Variants in IQCJ observed in about 807,000 individuals in gnomAD.
The protein encoded by IQCJ is IQ motif containing J, also known as IQ domain-containing protein J.
A neutral mutation model predicts 11.0 loss-of-function variants in IQCJ; 9 were observed. The observed-to-expected ratio is 0.82, with a 90% CI of 0.49 to 1.43. IQCJ has a LOEUF of 1.43. IQCJ is among the 40% of genes most tolerant of loss of function. The pLI is 0.00. For synonymous variants in IQCJ, 55 were observed against 51.3 expected, an observed-to-expected ratio of 1.07 and a Z score of -0.31; for missense variants, 146 against 133.2, an observed-to-expected ratio of 1.10 and a Z score of -0.47.
At chr3:159,150,097 A>C (rs139821831) in intron 1 of IQCJ, among the ~76,000 whole-genome samples, 3 of 151,936 alleles carry the variant, frequency 2.0e-5, no homozygotes, top group African/African-American at 7.3e-5. Flanking sequence ...CATCTCCCCT[A>C]ATCCCAAGAT....
At chr3:159,205,503 G>A (rs1724603796) in intron 1 of IQCJ, among the ~76,000 whole-genome samples, 1 of 152,136 alleles carries the variant, frequency 6.6e-6, no homozygotes, top group South Asian at 2.1e-4. Context: ...CAGTCTTCAG[G>A]TCAACTAACA....
At chr3:159,172,036 A>AAT (rs1316371520) in intron 1 of IQCJ, among the ~76,000 whole-genome samples, 1 of 152,144 alleles carries the variant, frequency 6.6e-6, no homozygotes, top group Non-Finnish European at 1.5e-5. Flanking sequence ...ATATTGTAGC[A>AAT]ATATATATAT....
chr3:159,249,256 A>G (rs937460657), intron 2 of IQCJ, among the ~76,000 whole-genome samples: 11 of 152,112 alleles, frequency 7.2e-5, no homozygotes, highest in African/African-American at 2.7e-4. Context: ...TATCTTTCTC[A>G]ACTGTCTTCT....
At chr3:159,119,839 C>T (rs769935414) in intron 1 of IQCJ, among the ~76,000 whole-genome samples, 1 of 152,178 alleles carries the variant, frequency 6.6e-6, no homozygotes, top group Non-Finnish European at 1.5e-5. Flanking sequence ...TGGGCTTCCC[C>T]ACCTTCATTG....
intron 1 of IQCJ, among the ~76,000 whole-genome samples, chr3:159,116,657 TATATATATATATAC>T (rs1174879334): frequency 0.032 from 1,064 of 33,354 alleles, 69 homozygotes; most frequent in Non-Finnish European, 0.038. Flanking sequence ...TATATATATA[TATATATATATATAC>T]ACCCTTCATC....
At chr3:159,089,795 A>G (rs1717102358) in intron 1 of IQCJ, among the ~76,000 whole-genome samples, 1 of 151,114 alleles carries the variant, frequency 6.6e-6, no homozygotes, top group African/African-American at 2.5e-5. Flanking sequence ...ACTTCTCTGT[A>G]TTGGTTATTC....
At chr3:159,206,011 T>C (rs1375538757) in intron 1 of IQCJ, among the ~76,000 whole-genome samples, 1 of 152,174 alleles carries the variant, frequency 6.6e-6, no homozygotes, top group African/African-American at 2.4e-5. Context: ...GCCACAGATT[T>C]TTCTTCTTTT....
intron 1 of IQCJ, among the ~76,000 whole-genome samples, chr3:159,164,603 A>C (rs1560010103): frequency 6.6e-6 from 1 of 152,162 alleles, no homozygotes; most frequent in African/African-American, 2.4e-5. Context: ...CCCTGTCTCT[A>C]GTAAAAATAC....
intron 1 of IQCJ, among the ~76,000 whole-genome samples, chr3:159,179,534 A>C (rs1420080560): frequency 6.6e-6 from 1 of 152,190 alleles, no homozygotes; most frequent in Non-Finnish European, 1.5e-5. Context: ...AAGGCTCTCA[A>C]AAGTGTGAAT....
chr3:159,206,067 G>T, intron 1 of IQCJ, among the ~76,000 whole-genome samples: 1 of 152,118 alleles, frequency 6.6e-6, no homozygotes, highest in South Asian at 2.1e-4. Flanking sequence ...AGAGATGGGA[G>T]TGTTAGCCTG....
chr3:159,260,812 A>G (rs959587198), intron 3 of IQCJ, among the ~76,000 whole-genome samples: 1 of 149,260 alleles, frequency 6.7e-6, no homozygotes, highest in Non-Finnish European at 1.5e-5. Flanking sequence ...AGAGTCCTTT[A>G]AAAAAAAAAC....
chr3:159,210,247 G>A (rs1724878574), intron 1 of IQCJ, among the ~76,000 whole-genome samples: 1 of 152,080 alleles, frequency 6.6e-6, no homozygotes, highest in Non-Finnish European at 1.5e-5. Flanking sequence ...ATCACCAAGG[G>A]CCAACAATTT....
At chr3:159,181,418 G>A (rs1723086136) in intron 1 of IQCJ, among the ~76,000 whole-genome samples, 1 of 142,868 alleles carries the variant, frequency 7.0e-6, no homozygotes, top group Non-Finnish European at 1.5e-5. Context: ...AAAACCAAGT[G>A]AGTGGCTAGA....
intron 1 of IQCJ, among the ~76,000 whole-genome samples, chr3:159,238,752 G>A (rs906498317): frequency 6.6e-6 from 1 of 152,136 alleles, no homozygotes; most frequent in Admixed American, 6.5e-5. Context: ...CAGTAGAAGA[G>A]TTAGAGGCAT....
intron 2 of IQCJ, among the ~76,000 whole-genome samples, chr3:159,249,040 G>C (rs1275154193): frequency 6.6e-6 from 1 of 152,032 alleles, no homozygotes; most frequent in Non-Finnish European, 1.5e-5. Context: ...ATTTTTAGTA[G>C]AGACAGGGTT....
intron 1 of IQCJ, among the ~76,000 whole-genome samples, chr3:159,150,857 C>T (rs915765413): frequency 6.6e-6 from 1 of 152,186 alleles, no homozygotes; most frequent in Non-Finnish European, 1.5e-5. Context: ...GCCTACTCAG[C>T]TCTCATGGTT....
At chr3:159,147,004 G>C (rs1457707748) in intron 1 of IQCJ, among the ~76,000 whole-genome samples, 1 of 152,170 alleles carries the variant, frequency 6.6e-6, no homozygotes, top group African/African-American at 2.4e-5. Flanking sequence ...TTACACAGAG[G>C]TTTTCAGCAT....
chr3:159,086,542 C>T (rs562435435), intron 1 of IQCJ, among the ~76,000 whole-genome samples: 6 of 152,176 alleles, frequency 3.9e-5, no homozygotes, highest in Non-Finnish European at 8.8e-5. Context: ...ATTCTTTCTA[C>T]CCGTGAGCAT....
chr3:159,078,385 A>T (rs1413878340), intron 1 of IQCJ, among the ~76,000 whole-genome samples: 2 of 152,130 alleles, frequency 1.3e-5, no homozygotes, highest in Non-Finnish European at 2.9e-5. Flanking sequence ...AAGTACCTAT[A>T]CACACATTGT....
Sources: allele counts gnomAD v4.1 joint callset (sites outside exome capture counted in the v4.1 genomes callset), GRCh38; gene constraint gnomAD v4.1.1; transcripts MANE v1.5; gene names NCBI Gene and HGNC (gene_info 2026-07-23, HGNC 2026-07-21).